EDA: variants seen among roughly 807,000 people sequenced by gnomAD.
EDA encodes the protein ectodysplasin-A.
A neutral mutation model predicts 23.6 loss-of-function variants in EDA; 2 were observed. That is an observed-to-expected ratio of 0.08 (90% CI 0.03 to 0.27). The LOEUF (loss-of-function observed/expected upper bound fraction) is 0.27. EDA is among the 10% of genes least tolerant of loss of function. The pLI is 1.00. For synonymous variants in EDA, 131 were observed against 132.0 expected (o/e 0.99, Z 0.05); for missense variants, 229 against 324.2 (o/e 0.71, Z 2.26).
chrX:69,897,215 C>G (rs759592556), intron 1 of EDA, among the ~76,000 whole-genome samples: 1 of 111,102 alleles, frequency 9.0e-6, no homozygotes, highest in Admixed American at 9.7e-5. Flanking sequence ...TATACACACT[C>G]CTCCTCCCTC....
chrX:69,862,509 A>G (rs2017402207), intron 1 of EDA, among the ~76,000 whole-genome samples: 1 of 111,771 alleles, frequency 8.9e-6, no homozygotes, highest in Admixed American at 9.5e-5. Flanking sequence ...CAGTGGCATG[A>G]TCATGGCTCA....
chrX:70,022,993 T>C (rs2080226858), intron 2 of EDA: 2 of 290,023 alleles, frequency 6.9e-6, no homozygotes, highest in African/African-American at 5.4e-5. Flanking sequence ...TAGAGAGATT[T>C]TTCTCCCTAG....
intron 2 of EDA, among the ~76,000 whole-genome samples, chrX:69,975,673 T>C (rs902931263): frequency 9.8e-5 from 11 of 111,809 alleles, no homozygotes; most frequent in African/African-American, 3.6e-4. Flanking sequence ...GGGCTACACA[T>C]AGACCAATGT....
intron 1 of EDA, among the ~76,000 whole-genome samples, chrX:69,786,182 T>G (rs1335142221): frequency 1.8e-5 from 2 of 111,635 alleles, no homozygotes; most frequent in Non-Finnish European, 3.8e-5. Context: ...ATTGTCTCTT[T>G]TTTTCTTTAT....
At chrX:69,661,680 G>A (rs998716480) in intron 1 of EDA, among the ~76,000 whole-genome samples, 2 of 110,615 alleles carry the variant, frequency 1.8e-5, no homozygotes, top group Admixed American at 1.9e-4. Flanking sequence ...TATTTCTGAG[G>A]GCTCTGTTCT....
intron 1 of EDA, among the ~76,000 whole-genome samples, chrX:69,754,576 T>G (rs1318162188): frequency 1.8e-5 from 2 of 111,473 alleles, no homozygotes; most frequent in Non-Finnish European, 3.8e-5. Flanking sequence ...CTTTGTGGTG[T>G]TCTCTGTATT....
chrX:69,695,512 CTT>C (rs34298428), intron 1 of EDA, among the ~76,000 whole-genome samples: 16 of 88,830 alleles, frequency 1.8e-4, no homozygotes, highest in Non-Finnish European at 2.2e-4. Context: ...TTCCTTCTTT[CTT>C]TTTTTTTTTT....
In EDA at chrX:69,698,534, C is replaced by T. The variant is rs780889810; in HGVS notation, c.396+81830C>T. The stretch of plus-strand genomic sequence containing the variant: ...TGGATTAAGGAAGGGAGGTAATTCC[C>T]GAGTGGCTCAGAGTCTGGTAAGGGT... On this transcript the variant is annotated intron_variant, in intron 1 of 7. Transcript: ENST00000374552. Among the ~76,000 whole-genome samples, 7 of 111,745 alleles carry T rather than the reference C, an allele frequency of 6.3e-5. No individual in the cohort carries two copies. In the South Asian group the frequency reaches 1.1e-3, roughly 18 times the overall value.
chrX:69,767,221 G>C (rs1438008786), intron 1 of EDA, among the ~76,000 whole-genome samples: 2 of 111,225 alleles, frequency 1.8e-5, no homozygotes, highest in African/African-American at 6.5e-5. Flanking sequence ...TTACTTTTTA[G>C]TACTTTTATT....
intron 2 of EDA, among the ~76,000 whole-genome samples, chrX:69,978,502 CAAAAAAA>C (rs1223244079): frequency 2.1e-5 from 1 of 46,963 alleles, no homozygotes; most frequent in Non-Finnish European, 3.8e-5. Context: ...GAATCTGTCT[CAAAAAAA>C]AAAAAAAAAA....
chrX:69,815,263 C>T (rs1240954942), intron 1 of EDA, among the ~76,000 whole-genome samples: 1 of 112,205 alleles, frequency 8.9e-6, no homozygotes, highest in Non-Finnish European at 1.9e-5. Flanking sequence ...AGAGGTCCCC[C>T]ACAACACAGT....
intron 1 of EDA, among the ~76,000 whole-genome samples, chrX:69,691,392 CTTTAA>C (rs995540228): frequency 6.3e-5 from 7 of 111,840 alleles, no homozygotes; most frequent in Non-Finnish European, 1.3e-4. Context: ...CAGTAGCCAG[CTTTAA>C]TTTAATAAAG....
At chrX:69,816,035 T>C (rs1467863361) in intron 1 of EDA, among the ~76,000 whole-genome samples, 5 of 111,332 alleles carry the variant, frequency 4.5e-5, no homozygotes, top group African/African-American at 1.6e-4. Flanking sequence ...TTACTGGTGA[T>C]AACTCCAGGC....
intron 1 of EDA, among the ~76,000 whole-genome samples, chrX:69,874,936 A>C (rs1037707460): frequency 8.9e-6 from 1 of 112,200 alleles, no homozygotes; most frequent in East Asian, 2.8e-4. Context: ...CAAGCAAATG[A>C]AAGACCTCTA....
intron 1 of EDA, among the ~76,000 whole-genome samples, chrX:69,825,794 G>A (rs1404826250): frequency 3.6e-5 from 4 of 111,079 alleles, no homozygotes; most frequent in East Asian, 2.8e-4. Flanking sequence ...TGATGTTAGG[G>A]TGTCAATTCT....
intron 5 of EDA, 118 bp from the exon 6 acceptor site, chrX:70,030,351 A>C (rs1234476836): frequency 8.0e-6 from 5 of 623,409 alleles, no homozygotes; most frequent in Non-Finnish European, 1.3e-5. Context: ...GACAGGGGAG[A>C]GGGATCAGAA....
chrX:69,683,030 A>G (rs1243944317), intron 1 of EDA, among the ~76,000 whole-genome samples: 1 of 111,493 alleles, frequency 9.0e-6, no homozygotes, highest in Admixed American at 9.6e-5. Flanking sequence ...GTGCCTTTGG[A>G]CAGTTTGACC....
chrX:69,790,270 T>A (rs1358696680), intron 1 of EDA, among the ~76,000 whole-genome samples: 3 of 110,777 alleles, frequency 2.7e-5, no homozygotes, highest in Admixed American at 9.7e-5. Flanking sequence ...AACGTGCAGG[T>A]TTGTTACATA....
chrX:69,833,041 T>C (rs1360612430), intron 1 of EDA, among the ~76,000 whole-genome samples: 1 of 111,511 alleles, frequency 9.0e-6, no homozygotes, highest in African/African-American at 3.3e-5. Context: ...TTATTTCTCC[T>C]GCCTGATTGC....
Sources: gnomAD v4.1 joint callset for allele counts (sites outside exome capture counted in the v4.1 genomes callset) on GRCh38, gnomAD v4.1.1 for gene constraint, MANE v1.5 for transcripts, NCBI Gene and HGNC (gene_info 2026-07-23, HGNC 2026-07-21) for gene names.